The following FOXP2 variants were observed in gnomAD, a reference collection of about 807,000 sequenced individuals.
FOXP2 encodes forkhead box P2.
Under a neutral mutation model 115.8 loss-of-function variants are expected in FOXP2, and 12 were observed. The observed-to-expected ratio is 0.10, with a 90% CI of 0.07 to 0.17. The LOEUF is 0.17. Ranked by LOEUF, FOXP2 falls within the 10% of genes least tolerant of loss-of-function variation. FOXP2 has a pLI of 1.00. For missense variants in FOXP2, 629 were observed against 843.5 expected, an observed-to-expected ratio of 0.75 and a Z score of 3.15; for synonymous variants, 328 against 297.7, an observed-to-expected ratio of 1.10 and a Z score of -1.05.
intron 15 of FOXP2, 79 bp from the exon 16 acceptor site, chr7:114,664,194 A>C: frequency 6.8e-7 from 1 of 1,468,462 alleles, no homozygotes; most frequent in Non-Finnish European, 9.4e-7. Flanking sequence ...ATTGGAACCC[A>C]TTAAAAGAAG....
intron 2 of FOXP2, among the ~76,000 whole-genome samples, chr7:114,378,176 G>C (rs959398954): frequency 2.0e-5 from 3 of 152,200 alleles, no homozygotes; most frequent in Non-Finnish European, 4.4e-5. Flanking sequence ...CTCTGTGGCA[G>C]AGAGGTCTGA....
At chr7:114,532,304 A>G (rs908506720) in intron 2 of FOXP2, among the ~76,000 whole-genome samples, 6 of 151,990 alleles carry the variant, frequency 3.9e-5, no homozygotes, top group Non-Finnish European at 4.4e-5. Context: ...TCGTTTACAG[A>G]TTCAAAACAA....
At chr7:114,123,780 A>T (rs1000493834) in intron 1 of FOXP2, among the ~76,000 whole-genome samples, 3 of 152,160 alleles carry the variant, frequency 2.0e-5, no homozygotes, top group Non-Finnish European at 4.4e-5. Context: ...ATTCTTACGT[A>T]CAAAATATTT....
At chr7:114,359,203 C>A (rs933161172) in intron 2 of FOXP2, among the ~76,000 whole-genome samples, 1 of 152,178 alleles carries the variant, frequency 6.6e-6, no homozygotes, top group Non-Finnish European at 1.5e-5. Flanking sequence ...AGGGTGCAAG[C>A]CCCAAGCCTT....
intron 2 of FOXP2, among the ~76,000 whole-genome samples, chr7:114,492,559 A>C (rs1797116264): frequency 6.6e-6 from 1 of 151,090 alleles, no homozygotes; most frequent in African/African-American, 2.4e-5. Flanking sequence ...AGTTCTATAA[A>C]TTTCCCTCCA....
chr7:114,517,939 T>G (rs1428578115), intron 2 of FOXP2, among the ~76,000 whole-genome samples: 1 of 152,170 alleles, frequency 6.6e-6, no homozygotes, highest in Non-Finnish European at 1.5e-5. Flanking sequence ...TTAACAATAT[T>G]AATCCTCCAA....
At chr7:114,415,822 G>A (rs1238543828) in intron 1 of FOXP2, among the ~76,000 whole-genome samples, 2 of 151,814 alleles carry the variant, frequency 1.3e-5, no homozygotes, top group Admixed American at 1.3e-4. Context: ...TTTATTTTGT[G>A]CTAAAGGGGA....
chr7:114,343,098 A>G (rs1233124552), intron 2 of FOXP2, among the ~76,000 whole-genome samples: 1 of 151,598 alleles, frequency 6.6e-6, no homozygotes, highest in Non-Finnish European at 1.5e-5. Flanking sequence ...CATCTCTAGA[A>G]CTAAGTATTG....
At chr7:114,487,504 T>G (rs1190766900) in intron 2 of FOXP2, among the ~76,000 whole-genome samples, 1 of 152,240 alleles carries the variant, frequency 6.6e-6, no homozygotes, top group Non-Finnish European at 1.5e-5. Flanking sequence ...TCATTACTTA[T>G]GCAAACTTCT....
intron 2 of FOXP2, among the ~76,000 whole-genome samples, chr7:114,514,098 C>CAT (rs1798210310): frequency 6.7e-6 from 1 of 149,752 alleles, no homozygotes; most frequent in African/African-American, 2.5e-5. Flanking sequence ...CACACACACA[C>CAT]ACACACACAC....
At chr7:114,199,023 T>C (rs1239727662) in intron 1 of FOXP2, among the ~76,000 whole-genome samples, 1 of 152,208 alleles carries the variant, frequency 6.6e-6, no homozygotes, top group Non-Finnish European at 1.5e-5. Context: ...TGAAAAATAC[T>C]TTGTTTTTTA....
chr7:114,273,516 T>G (rs1796115803), intron 1 of FOXP2, among the ~76,000 whole-genome samples: 1 of 152,102 alleles, frequency 6.6e-6, no homozygotes, highest in African/African-American at 2.4e-5. Flanking sequence ...TTCTGCCTGA[T>G]AGATCTGCCC....
intron 1 of FOXP2, among the ~76,000 whole-genome samples, chr7:114,268,270 T>C (rs1795948264): frequency 6.6e-6 from 1 of 152,204 alleles, no homozygotes; most frequent in Middle Eastern, 3.2e-3. Flanking sequence ...GTGGAACTTA[T>C]AATCAACTCA....
intron 1 of FOXP2, among the ~76,000 whole-genome samples, chr7:114,210,895 C>T (rs972919153): frequency 7.2e-5 from 11 of 152,142 alleles, no homozygotes; most frequent in African/African-American, 2.4e-4. Flanking sequence ...CGATCGGGGT[C>T]CCACTTAAAG....
intron 1 of FOXP2, among the ~76,000 whole-genome samples, chr7:114,239,944 G>C (rs141061367): frequency 1.3e-5 from 2 of 152,190 alleles, no homozygotes; most frequent in Non-Finnish European, 2.9e-5. Flanking sequence ...TTTGGAAAAC[G>C]ATATATACTT....
chr7:114,552,215 A>G (rs1174870050), intron 3 of FOXP2, among the ~76,000 whole-genome samples: 2 of 152,214 alleles, frequency 1.3e-5, no homozygotes, highest in Admixed American at 6.5e-5. Context: ...TGGAAAAGCA[A>G]GAACATCTTT....
At chr7:114,412,176 A>T (rs1027005043), upstream of FOXP2, among the ~76,000 whole-genome samples, 2 of 152,164 alleles carry the variant, frequency 1.3e-5, no homozygotes, top group Non-Finnish European at 2.9e-5. Flanking sequence ...ATCTATTTTT[A>T]AAATTACTAT....
At chr7:114,147,109 A>G (rs1407361191) in intron 1 of FOXP2, among the ~76,000 whole-genome samples, 2 of 152,204 alleles carry the variant, frequency 1.3e-5, no homozygotes, top group Non-Finnish European at 2.9e-5. Flanking sequence ...GTATGTGAAG[A>G]TTTGGATTTC....
At position 114,334,890 on chromosome 7, in the gene FOXP2, G is replaced by C. The variant is rs187682914; in HGVS notation, c.-11+46781G>C. On this transcript the variant is annotated intron_variant, in intron 2 of 17. Transcript: ENST00000634411. Reference sequence around the variant, plus strand: ...AGATTTTTAAATAAAGGATATCTCTGTGTGTGTGTGTGTATATATATATTT... The same window carrying C: ...AGATTTTTAAATAAAGGATATCTCTCTGTGTGTGTGTGTATATATATATTT... Among the ~76,000 whole-genome samples the C allele has an allele frequency of 6.7e-3, 944 of 141,486 alleles. 9 individuals carry two copies. Among genetic ancestry groups the C allele is most frequent in the African/African-American group, 0.023 (903 of 39,028 alleles). 92.8% of individuals were successfully genotyped at this position (141,486 alleles called of 152,430 possible). A position where few individuals can be genotyped will look rare whatever the true frequency, so the allele number is the denominator to read the frequency against.
Sources: allele counts gnomAD v4.1 joint callset (sites outside exome capture counted in the v4.1 genomes callset), GRCh38; gene constraint gnomAD v4.1.1; transcripts MANE v1.5; gene names NCBI Gene and HGNC (gene_info 2026-07-23, HGNC 2026-07-21).